The following ADAM12 variants were observed in gnomAD, a reference collection of about 807,000 sequenced individuals.
ADAM12 encodes the protein ADAM metallopeptidase domain 12.
A neutral mutation model predicts 106.4 loss-of-function variants in ADAM12; 70 were observed. The ratio of observed to expected loss-of-function variants is 0.66; its 90% confidence interval spans 0.54 to 0.80. ADAM12 has a LOEUF of 0.80. Among genes scored for constraint, ADAM12 ranks in the 30% least tolerant of loss-of-function variants. The pLI is 0.00. For missense variants in ADAM12, 1,010 were observed against 1,171.9 expected, an observed-to-expected ratio of 0.86 and a Z score of 2.02; for synonymous variants, 420 against 433.5, an observed-to-expected ratio of 0.97 and a Z score of 0.39.
chr10:126,276,336 G>A (rs1164888118), intron 3 of ADAM12, among the ~76,000 whole-genome samples: 2 of 151,996 alleles, frequency 1.3e-5, no homozygotes, highest in South Asian at 2.1e-4. Flanking sequence ...AAAAACTCTC[G>A]GACTTGACTC....
At chr10:126,352,117 G>A (rs908620235) in intron 1 of ADAM12, among the ~76,000 whole-genome samples, 1 of 152,104 alleles carries the variant, frequency 6.6e-6, no homozygotes, top group Non-Finnish European at 1.5e-5. Context: ...AGGTCAAGGG[G>A]GGAACAAATT....
rs143285606 is a variant in ADAM12, at chr10:126,156,004, A to C, written c.261-699T>G. On this transcript the variant is annotated intron_variant, in intron 3 of 22. Transcript: ENST00000448723. ...ACCAGAACTTCATTAAAGATTGCAA[A>C]GCATGGGTTACTTAGATTTTAAATT... Among the ~76,000 whole-genome samples, 5 of 152,348 alleles carry C rather than the reference A, an allele frequency of 3.3e-5. No individual in the cohort carries two copies. In the East Asian group the frequency reaches 9.6e-4, roughly 29 times the overall value.
In ADAM12 at chr10:126,230,728, T is replaced by C. The variant is rs190270577; in HGVS notation, c.260+48187A>G. On this transcript the variant is annotated intron_variant, in intron 3 of 22. Transcript: ENST00000448723. ...CCTTTTTAAATTCAGTGTGAACGTC[T>C]TTTGCTTCCTGATTTGTAAAAGCTC... Among the ~76,000 whole-genome samples, 195 of 152,350 alleles carry C rather than the reference T, an allele frequency of 1.3e-3. 1 individual carries two copies. Among genetic ancestry groups the C allele is most frequent in the African/African-American group, 4.2e-3 (176 of 41,586 alleles).
At chr10:126,213,060 C>A (rs1329460941) in intron 3 of ADAM12, among the ~76,000 whole-genome samples, 10 of 152,140 alleles carry the variant, frequency 6.6e-5, no homozygotes, top group Admixed American at 4.6e-4. Flanking sequence ...CTACAAGACT[C>A]ACATTTGGTT....
intron 3 of ADAM12, among the ~76,000 whole-genome samples, chr10:126,209,826 A>G (rs1023422198): frequency 3.3e-5 from 5 of 152,190 alleles, no homozygotes; most frequent in Non-Finnish European, 7.3e-5. Flanking sequence ...TATGAGCACT[A>G]AGTTCGACAG....
At chr10:126,081,916 C>T (rs145805071) in intron 11 of ADAM12, among the ~76,000 whole-genome samples, 47 of 152,288 alleles carry the variant, frequency 3.1e-4, no homozygotes, top group Middle Eastern at 3.4e-3. Flanking sequence ...AAATAGAGCA[C>T]GCTTTACACT....
intron 5 of ADAM12, among the ~76,000 whole-genome samples, chr10:126,132,642 T>G (rs1489450581): frequency 6.6e-6 from 1 of 151,670 alleles, no homozygotes; most frequent in Non-Finnish European, 1.5e-5. Context: ...TTGTTTACTG[T>G]TTCTCCCCTG....
intron 3 of ADAM12, among the ~76,000 whole-genome samples, chr10:126,207,091 TG>T (rs1957812864): frequency 6.6e-6 from 1 of 152,216 alleles, no homozygotes; most frequent in African/African-American, 2.4e-5. Context: ...CTCTTTCTTT[TG>T]TAAATTGTCC....
chr10:126,042,270 C>T (rs367927576), intron 18 of ADAM12: 1 of 1,608,664 alleles, frequency 6.2e-7, no homozygotes, highest in Non-Finnish European at 8.5e-7. Context: ...TTAGACTTGC[C>T]CCTGAATTGC....
chr10:126,321,007 T>G (rs1854076072), intron 2 of ADAM12, among the ~76,000 whole-genome samples: 1 of 152,242 alleles, frequency 6.6e-6, no homozygotes, highest in Admixed American at 6.5e-5. Context: ...TACTACAGTC[T>G]GTGAGCTTCT....
At chr10:126,041,461 G>T in intron 18 of ADAM12, 1 of 985,514 alleles carries the variant, frequency 1.0e-6, no homozygotes, top group Non-Finnish European at 1.2e-6. Context: ...TGACTCTGTG[G>T]GTTCCCTGGC....
chr10:126,342,834 T>G (rs1854979608), intron 1 of ADAM12, among the ~76,000 whole-genome samples: 1 of 152,036 alleles, frequency 6.6e-6, no homozygotes, highest in Admixed American at 6.5e-5. Flanking sequence ...AGGGAGCAGT[T>G]TTTCTCCTTT....
At position 126,330,398 on chromosome 10, in the gene ADAM12, G is replaced by A; in HGVS notation, c.186+14C>T. ...TTCGGCAGTCTCAAAGCTGAGAAAA[G>A]GAGAGGAACTCACCTTGGAGTCGAA... is the stretch of plus-strand genomic sequence containing the variant. On this transcript the variant is annotated intron_variant, in intron 2 of 22. Coordinates refer to ENST00000448723, the MANE Select transcript of ADAM12 (RefSeq NM_001288973.2). 1 of 1,604,644 alleles carries A rather than the reference G, an allele frequency of 6.2e-7. No homozygotes were observed. Among genetic ancestry groups the A allele is most frequent in the Non-Finnish European group, 8.5e-7 (1 of 1,175,162 alleles).
chr10:126,030,817 G>A (rs1953959212), intron 21 of ADAM12, among the ~76,000 whole-genome samples: 1 of 152,210 alleles, frequency 6.6e-6, no homozygotes, highest in South Asian at 2.1e-4. Flanking sequence ...GACCTTGGTA[G>A]CTGTGTTTTA....
chr10:126,342,684 G>A (rs925931398), intron 1 of ADAM12, among the ~76,000 whole-genome samples: 9 of 152,260 alleles, frequency 5.9e-5, no homozygotes, highest in Non-Finnish European at 1.2e-4. Flanking sequence ...ATCCAGTATC[G>A]GCTGGCAGGT....
intron 11 of ADAM12, among the ~76,000 whole-genome samples, chr10:126,076,623 T>C (rs949003290): frequency 1.3e-5 from 2 of 152,242 alleles, no homozygotes; most frequent in Non-Finnish European, 2.9e-5. Context: ...TTAGTGTTGT[T>C]GAACATTTTT....
chr10:126,182,486 G>C (rs913007330), intron 3 of ADAM12, among the ~76,000 whole-genome samples: 4 of 152,098 alleles, frequency 2.6e-5, no homozygotes, highest in Non-Finnish European at 5.9e-5. Context: ...TTAAATTCTT[G>C]ATCTTTTCAA....
chr10:126,141,499 A>G (rs1326166249), intron 4 of ADAM12, among the ~76,000 whole-genome samples: 11 of 152,244 alleles, frequency 7.2e-5, no homozygotes, highest in African/African-American at 2.4e-4. Flanking sequence ...TGTATTTTAT[A>G]TACTTATTAC....
chr10:126,095,150 G>A (rs1434705601), intron 10 of ADAM12, among the ~76,000 whole-genome samples: 1 of 152,178 alleles, frequency 6.6e-6, no homozygotes. Context: ...CCAAGAAACA[G>A]TGCTGCTATG....
Sources: allele counts gnomAD v4.1 joint callset (sites outside exome capture counted in the v4.1 genomes callset), GRCh38; gene constraint gnomAD v4.1.1; transcripts MANE v1.5; gene names NCBI Gene and HGNC (gene_info 2026-07-23, HGNC 2026-07-21).